The following NT5DC1 variants were observed in gnomAD, a reference collection of about 807,000 sequenced individuals.
NT5DC1 encodes 5'-nucleotidase domain-containing protein 1.
A neutral mutation model predicts 59.4 loss-of-function variants in NT5DC1; 42 were observed. That is an observed-to-expected ratio of 0.71 (90% confidence interval 0.55 to 0.92). The LOEUF is 0.92. Ranked by LOEUF, NT5DC1 falls within the 40% of genes least tolerant of loss-of-function variation. The pLI is 0.00. For synonymous variants in NT5DC1, 172 were observed against 188.1 expected (o/e 0.91, Z 0.70); for missense variants, 501 against 537.1 (o/e 0.93, Z 0.66).
At chr6:116,203,451 A>G (rs1247306018) in intron 6 of NT5DC1, among the ~76,000 whole-genome samples, 4 of 151,882 alleles carry the variant, frequency 2.6e-5, no homozygotes, top group African/African-American at 9.6e-5. Flanking sequence ...TTTTTATTTT[A>G]TATATGTAAT....
Position 116,186,301 on chromosome 6 carries a change from A to AT in NT5DC1, c.530-34739dup, listed in dbSNP as rs552459718. Reference sequence around the variant, plus strand: ...ATGCTTTTGTCTCATAGCTCTTAAGATTTTTTTTTTTTTTCATCTTCACTT... The same window carrying AT: ...ATGCTTTTGTCTCATAGCTCTTAAGATTTTTTTTTTTTTTTCATCTTCACTT... On this transcript the variant is annotated intron_variant, in intron 6 of 11. Transcript: ENST00000319550. Among the ~76,000 whole-genome samples the AT allele has an allele frequency of 2.0e-3, 283 of 141,986 alleles. 2 individuals carry two copies. In the Middle Eastern group the frequency reaches 0.058, roughly 29 times the overall value. 93.1% of individuals were successfully genotyped at this position (141,986 alleles called of 152,430 possible).
chr6:116,186,791 A>G (rs1234796285), intron 6 of NT5DC1, among the ~76,000 whole-genome samples: 4 of 151,752 alleles, frequency 2.6e-5, no homozygotes, highest in Non-Finnish European at 5.9e-5. Context: ...ATCCTGTATC[A>G]TTTTTTTGAT....
At chr6:116,116,876 A>G (rs1204562651) in intron 5 of NT5DC1, among the ~76,000 whole-genome samples, 1 of 152,152 alleles carries the variant, frequency 6.6e-6, no homozygotes, top group Admixed American at 6.5e-5. Flanking sequence ...ATAAATATCT[A>G]GTAGTCTGTC....
chr6:116,138,704 T>C (rs1031596992), intron 6 of NT5DC1, among the ~76,000 whole-genome samples: 10 of 152,190 alleles, frequency 6.6e-5, no homozygotes, highest in African/African-American at 2.4e-4. Flanking sequence ...TTTTGAATTA[T>C]TACTAATATA....
intron 6 of NT5DC1, among the ~76,000 whole-genome samples, chr6:116,194,718 A>G (rs1277716822): frequency 6.6e-6 from 1 of 152,088 alleles, no homozygotes; most frequent in Non-Finnish European, 1.5e-5. Context: ...TATATTATTT[A>G]GAGTTTTGAA....
Position 116,110,969 on chromosome 6 carries a change from T to A in NT5DC1, c.364+13T>A. The A allele has an allele frequency of 6.5e-7, 1 of 1,544,662 alleles. No individual in the cohort carries two copies. The highest frequency in any genetic ancestry group is 9.0e-7 in the Non-Finnish European group (1 of 1,116,754). ...GCTTGCCGCTCAGGTATGACTCAAA[T>A]GAGGCAGCTCCACCATCCGCTCCCT... On this transcript the variant is annotated intron_variant, in intron 4 of 11. Transcript: ENST00000319550.
intron 11 of NT5DC1, among the ~76,000 whole-genome samples, chr6:116,242,229 G>A (rs1771752082): frequency 6.6e-6 from 1 of 151,430 alleles, no homozygotes; most frequent in South Asian, 2.1e-4. Context: ...AAATTAGCCG[G>A]GTATGGTGGC....
At chr6:116,206,337 A>G (rs1234183203) in intron 6 of NT5DC1, among the ~76,000 whole-genome samples, 1 of 152,002 alleles carries the variant, frequency 6.6e-6, no homozygotes. Flanking sequence ...ATTGCATATA[A>G]TTCACACAAT....
At chr6:116,117,749 G>A in intron 5 of NT5DC1, 112 bp from the exon 6 acceptor site, 1 of 627,340 alleles carries the variant, frequency 1.6e-6, no homozygotes. Flanking sequence ...AAAATTGTAA[G>A]TCTAACCATC....
chr6:116,121,518 C>G, intron 6 of NT5DC1: 1 of 1,614,182 alleles, frequency 6.2e-7, no homozygotes, highest in Non-Finnish European at 8.5e-7. Context: ...CCCCTCTCAC[C>G]TGGACGACCA....
intron 1 of NT5DC1, among the ~76,000 whole-genome samples, chr6:116,105,949 CAA>C (rs780934227): frequency 9.9e-5 from 15 of 152,252 alleles, no homozygotes; most frequent in Non-Finnish European, 1.9e-4. Context: ...AAAGCTTTGT[CAA>C]GTCTTAAATT....
rs1460803761 is a variant in NT5DC1 at position 116,241,930 on chromosome 6, AAAAAAAAAC to A, written c.1253-1974_1253-1966del. ...AGAGCAAGACTCCGTCTCAAAAAAAAAAAAAAAACAAAACAAAAAAAAAAAAAAACAAAG... is the reference window on the plus strand; with the variant it reads ...AGAGCAAGACTCCGTCTCAAAAAAAAAAAACAAAAAAAAAAAAAAACAAAG... On this transcript the variant is annotated intron_variant, in intron 11 of 11. Transcript: ENST00000319550. Among the ~76,000 whole-genome samples, 139 of 62,590 alleles carry A rather than the reference AAAAAAAAAC, an allele frequency of 2.2e-3. 7 individuals are homozygous for A. Among genetic ancestry groups the A allele is most frequent in the African/African-American group, 0.017 (133 of 7,922 alleles). 41.1% of individuals were successfully genotyped at this position (62,590 alleles called of 152,430 possible). A position where few individuals can be genotyped will look rare whatever the true frequency, so the allele number is the denominator to read the frequency against.
At chr6:116,163,141 A>AAAAATATATAT (rs761718922) in intron 6 of NT5DC1, among the ~76,000 whole-genome samples, 14 of 88,392 alleles carry the variant, frequency 1.6e-4, no homozygotes, top group African/African-American at 7.5e-4. Flanking sequence ...AAAAAAAAAA[A>AAAAATATATAT]ATATATATAT....
chr6:116,197,622 G>A (rs1352923682), intron 6 of NT5DC1, among the ~76,000 whole-genome samples: 2 of 152,174 alleles, frequency 1.3e-5, no homozygotes, highest in Admixed American at 6.5e-5. Flanking sequence ...TAGACTGTTA[G>A]AGATTCAAAT....
At position 116,152,234 on chromosome 6, in the gene NT5DC1, A is replaced by G. The variant is rs73772292; in HGVS notation, c.529+34289A>G. ...ATGAGAATATATGATTAGAAAATAC[A>G]GGAGCTGTGCATTTAATTTTTTTCA... On this transcript the variant is annotated intron_variant, in intron 6 of 11. Transcript: ENST00000319550. 2.3e-3 allele frequency among the ~76,000 whole-genome samples: 346 copies of G among 152,324 alleles called. 3 individuals are homozygous for G. The highest frequency in any genetic ancestry group is 8.2e-3 in the African/African-American group (340 of 41,568).
chr6:116,246,949 T>A lies in NT5DC1; in HGVS notation c.*2925T>A, dbSNP rs1771860326. 6.6e-6 allele frequency: 1 copy of A among 152,234 alleles called. No homozygotes were observed. Among genetic ancestry groups the A allele is most frequent in the South Asian group, 2.1e-4 (1 of 4,834 alleles). 9.4% of individuals were successfully genotyped at this position (152,234 alleles called of 1,614,324 possible). A position where few individuals can be genotyped will look rare whatever the true frequency, so the allele number is the denominator to read the frequency against. The stretch of plus-strand genomic sequence containing the variant: ...CTAGGCTACTTCATGTACATTATCT[T>A]GTTTACTCTCTATAGCAACCATATG... On this transcript the variant is annotated 3_prime_UTR_variant, in exon 12 of 12. Coordinates refer to ENST00000319550, the MANE Select transcript of NT5DC1 (RefSeq NM_152729.3).
At chr6:116,153,750 T>C (rs905231253) in intron 6 of NT5DC1, among the ~76,000 whole-genome samples, 1 of 152,164 alleles carries the variant, frequency 6.6e-6, no homozygotes, top group African/African-American at 2.4e-5. Flanking sequence ...TTTAGTCATA[T>C]TCATTTTTAT....
chr6:116,164,910 C>T (rs540620623), intron 6 of NT5DC1, among the ~76,000 whole-genome samples: 52 of 151,816 alleles, frequency 3.4e-4, no homozygotes, highest in African/African-American at 1.2e-3. Context: ...GGTGAAACCC[C>T]GTCTCTACTA....
At chr6:116,171,886 A>G (rs1780615211) in intron 6 of NT5DC1, among the ~76,000 whole-genome samples, 1 of 152,190 alleles carries the variant, frequency 6.6e-6, no homozygotes, top group African/African-American at 2.4e-5. Context: ...TTTGTTTTCT[A>G]TATACAGGGA....
Sources: gnomAD v4.1 joint callset for allele counts (sites outside exome capture counted in the v4.1 genomes callset) on GRCh38, gnomAD v4.1.1 for gene constraint, MANE v1.5 for transcripts, NCBI Gene and HGNC (gene_info 2026-07-23, HGNC 2026-07-21) for gene names.